The following ARHGAP26 variants were observed in gnomAD, a reference collection of about 807,000 sequenced individuals.
The protein encoded by ARHGAP26 is Rho GTPase activating protein 26.
Under a neutral mutation model 104.8 loss-of-function variants are expected in ARHGAP26, and 38 were observed. The observed-to-expected ratio is 0.36, with a 90% CI of 0.28 to 0.48. ARHGAP26 has a LOEUF of 0.48. ARHGAP26 is among the 20% of genes least tolerant of loss of function. The probability of loss-of-function intolerance (pLI) is 0.99; values close to 1 mark genes in which losing one functional copy is unlikely to be tolerated. For synonymous variants in ARHGAP26, 341 were observed against 340.0 expected (o/e 1.00, Z -0.03); for missense variants, 704 against 947.9 (o/e 0.74, Z 3.38).
intron 5 of ARHGAP26, among the ~76,000 whole-genome samples, chr5:142,890,151 A>AAATAT (rs1252590997): frequency 4.0e-4 from 13 of 32,418 alleles, no homozygotes; most frequent in African/African-American, 8.3e-4. Flanking sequence ...AAAAAAAAAA[A>AAATAT]ATATATATAT....
chr5:143,085,227 TC>T (rs949769101), intron 17 of ARHGAP26, among the ~76,000 whole-genome samples: 8 of 152,026 alleles, frequency 5.3e-5, no homozygotes, highest in Admixed American at 5.2e-4. Context: ...ACATCATTTG[TC>T]CCACTCGGCC....
chr5:143,078,488 A>G (rs900989141), intron 17 of ARHGAP26, among the ~76,000 whole-genome samples: 5 of 151,640 alleles, frequency 3.3e-5, no homozygotes, highest in African/African-American at 1.2e-4. Flanking sequence ...TAGAGAAGAG[A>G]TTGATTCAGT....
intron 18 of ARHGAP26, among the ~76,000 whole-genome samples, chr5:143,127,240 A>G (rs752595752): frequency 6.6e-6 from 1 of 152,170 alleles, no homozygotes; most frequent in Non-Finnish European, 1.5e-5. Context: ...ATTCCAACAC[A>G]TAATAGTAGG....
chr5:143,203,349 A>T (rs1270362304), intron 20 of ARHGAP26: 1 of 152,246 alleles, frequency 6.6e-6, no homozygotes, highest in Non-Finnish European at 1.5e-5. Flanking sequence ...CATTAGAGAA[A>T]TGCAAATCAA....
intron 4 of ARHGAP26, among the ~76,000 whole-genome samples, chr5:142,880,139 A>G (rs1321174862): frequency 1.3e-5 from 2 of 152,178 alleles, no homozygotes; most frequent in African/African-American, 4.8e-5. Context: ...AAGCTTGACT[A>G]ATTCTAATGT....
intron 11 of ARHGAP26, among the ~76,000 whole-genome samples, chr5:142,936,146 C>CACACACACAT (rs1255246557): frequency 6.7e-6 from 1 of 148,862 alleles, no homozygotes; most frequent in African/African-American, 2.5e-5. Context: ...CACACACACA[C>CACACACACAT]CCCTTCTATA....
At chr5:142,795,854 G>T (rs1760883267) in intron 1 of ARHGAP26, among the ~76,000 whole-genome samples, 1 of 152,132 alleles carries the variant, frequency 6.6e-6, no homozygotes, top group African/African-American at 2.4e-5. Flanking sequence ...AGTTATGATG[G>T]AATGGATAGA....
intron 13 of ARHGAP26, among the ~76,000 whole-genome samples, chr5:143,038,765 G>A (rs936579812): frequency 2.5e-4 from 30 of 118,648 alleles, no homozygotes; most frequent in African/African-American, 9.4e-4. Flanking sequence ...ATGCAGTCTC[G>A]GTTCACTGCA....
intron 21 of ARHGAP26, among the ~76,000 whole-genome samples, chr5:143,208,388 G>A (rs544312321): frequency 1.1e-3 from 168 of 152,274 alleles, no homozygotes; most frequent in Middle Eastern, 6.8e-3. Context: ...TCCAAAGGGT[G>A]GATCCAGCAG....
intron 10 of ARHGAP26, among the ~76,000 whole-genome samples, chr5:142,925,345 A>G (rs1312674531): frequency 6.6e-6 from 1 of 152,146 alleles, no homozygotes; most frequent in Non-Finnish European, 1.5e-5. Context: ...AAAAGAAAAA[A>G]CCAAGAGCAA....
intron 20 of ARHGAP26, among the ~76,000 whole-genome samples, chr5:143,148,223 A>G (rs1021237182): frequency 6.6e-6 from 1 of 152,174 alleles, no homozygotes; most frequent in African/African-American, 2.4e-5. Flanking sequence ...TCAGCCACAG[A>G]CTGTCTTCAG....
chr5:143,214,107 CACAAAGATATGG>C lies in ARHGAP26; in HGVS notation c.2191+20_2191+31del. On this transcript the variant is annotated intron_variant, in intron 22 of 22. Transcript: ENST00000645722. ...GATAACGGTGAGTTTCTCATCCCCT[CACAAAGATATGG>C]GCGGGGGGCGGGGGCAAGGGGAGCA... The C allele has an allele frequency of 8.7e-7, 1 of 1,148,344 alleles. No homozygotes were observed. Among genetic ancestry groups the C allele is most frequent in the Non-Finnish European group, 1.2e-6 (1 of 813,732 alleles). The allele number at this position is 1,148,344 out of a possible 1,614,324, so 71.1% of individuals were successfully genotyped here.
At chr5:143,082,412 C>T (rs1277580045) in intron 17 of ARHGAP26, among the ~76,000 whole-genome samples, 1 of 152,062 alleles carries the variant, frequency 6.6e-6, no homozygotes, top group Admixed American at 6.6e-5. Flanking sequence ...AATTTATGCC[C>T]AAGAATTTAT....
At chr5:143,000,135 G>A (rs1196363961) in intron 11 of ARHGAP26, among the ~76,000 whole-genome samples, 1 of 152,210 alleles carries the variant, frequency 6.6e-6, no homozygotes, top group Non-Finnish European at 1.5e-5. Context: ...GTGCTGGTGA[G>A]GATGTGAAGC....
At chr5:142,969,793 A>G (rs1300787735) in intron 11 of ARHGAP26, among the ~76,000 whole-genome samples, 2 of 151,986 alleles carry the variant, frequency 1.3e-5, no homozygotes. Flanking sequence ...GATGAGGAGT[A>G]TGGGTTGAGG....
At chr5:143,187,658 G>A (rs187520276) in intron 20 of ARHGAP26, among the ~76,000 whole-genome samples, 1 of 152,324 alleles carries the variant, frequency 6.6e-6, no homozygotes, top group Non-Finnish European at 1.5e-5. Context: ...CTGAGGTCAG[G>A]CGGAGCACCA....
intron 1 of ARHGAP26, among the ~76,000 whole-genome samples, chr5:142,840,730 C>T (rs1770618193): frequency 6.6e-6 from 1 of 152,156 alleles, no homozygotes; most frequent in Non-Finnish European, 1.5e-5. Flanking sequence ...GGTGTGTGTA[C>T]TCCACCCAGA....
intron 11 of ARHGAP26, among the ~76,000 whole-genome samples, chr5:142,957,611 T>A (rs1293166058): frequency 6.6e-6 from 1 of 152,240 alleles, no homozygotes; most frequent in Non-Finnish European, 1.5e-5. Flanking sequence ...GAGAGTCTCT[T>A]ACGTAGTTTG....
At chr5:142,918,242 G>T (rs1207207269) in intron 10 of ARHGAP26, among the ~76,000 whole-genome samples, 1 of 152,054 alleles carries the variant, frequency 6.6e-6, no homozygotes, top group African/African-American at 2.4e-5. Context: ...TGCCTCCCGG[G>T]TTCAAGCGAT....
Sources: allele counts gnomAD v4.1 joint callset (sites outside exome capture counted in the v4.1 genomes callset), GRCh38; gene constraint gnomAD v4.1.1; transcripts MANE v1.5; gene names NCBI Gene and HGNC (gene_info 2026-07-23, HGNC 2026-07-21).